The following GABRB1 variants were observed in gnomAD, a reference collection of about 807,000 sequenced individuals.
GABRB1 encodes the protein gamma-aminobutyric acid type A receptor subunit beta1.
GABRB1 carries 17 observed loss-of-function variants against 51.6 expected under a neutral mutation model. The observed-to-expected ratio is 0.33, with a 90% CI of 0.23 to 0.49. The LOEUF (loss-of-function observed/expected upper bound fraction) is 0.49, where lower values mean the gene tolerates loss of function less well. GABRB1 is among the 20% of genes least tolerant of loss of function. The pLI is 0.99. For missense variants in GABRB1, 410 were observed against 600.6 expected (o/e 0.68, Z 3.32); for synonymous variants, 247 against 218.9 (o/e 1.13, Z -1.14).
chr4:47,354,722 A>G (rs181574070), intron 5 of GABRB1, among the ~76,000 whole-genome samples: 74 of 152,136 alleles, frequency 4.9e-4, no homozygotes, highest in African/African-American at 1.8e-3. Context: ...AAGGTTTTGT[A>G]TATCTGGCAA....
At chr4:47,180,222 T>C (rs931660332) in intron 4 of GABRB1, among the ~76,000 whole-genome samples, 11 of 152,030 alleles carry the variant, frequency 7.2e-5, no homozygotes, top group African/African-American at 2.2e-4. Flanking sequence ...ATTCACATAG[T>C]GGAAGAGAAT....
chr4:47,214,121 A>G (rs901017332), intron 4 of GABRB1, among the ~76,000 whole-genome samples: 1 of 152,178 alleles, frequency 6.6e-6, no homozygotes, highest in African/African-American at 2.4e-5. Context: ...TTAGTCATAA[A>G]GAATAATAGA....
intron 1 of GABRB1, among the ~76,000 whole-genome samples, chr4:47,006,108 G>A (rs1724390348): frequency 6.6e-6 from 1 of 151,532 alleles, no homozygotes; most frequent in South Asian, 2.1e-4. Flanking sequence ...TTTGACAATG[G>A]AATCCCTTCC....
chr4:47,039,935 T>C (rs1170166908), intron 3 of GABRB1, among the ~76,000 whole-genome samples: 1 of 152,180 alleles, frequency 6.6e-6, no homozygotes, highest in African/African-American at 2.4e-5. Context: ...AAACATATAT[T>C]TGTTTGTATA....
intron 3 of GABRB1, among the ~76,000 whole-genome samples, chr4:47,062,231 AT>A (rs1438110835): frequency 1.3e-5 from 2 of 151,662 alleles, no homozygotes; most frequent in African/African-American, 2.4e-5. Flanking sequence ...TCTCAAAAGG[AT>A]TTTTTTAGTC....
intron 4 of GABRB1, among the ~76,000 whole-genome samples, chr4:47,294,950 G>A (rs564653168): frequency 3.9e-5 from 6 of 152,276 alleles, no homozygotes; most frequent in East Asian, 3.9e-4. Flanking sequence ...CGTGGTTCAC[G>A]AAAATCCGCT....
chr4:47,245,426 T>C (rs1378584743), intron 4 of GABRB1, among the ~76,000 whole-genome samples: 1 of 152,098 alleles, frequency 6.6e-6, no homozygotes, highest in Non-Finnish European at 1.5e-5. Context: ...TCACGTAAAA[T>C]AGTCACACAA....
intron 3 of GABRB1, among the ~76,000 whole-genome samples, chr4:47,034,576 A>G (rs973652868): frequency 2.0e-5 from 3 of 152,208 alleles, no homozygotes; most frequent in Admixed American, 2.0e-4. Flanking sequence ...TAGAAAATAG[A>G]AACCACTCAA....
chr4:47,179,376 TTCC>T (rs897499476), intron 4 of GABRB1, among the ~76,000 whole-genome samples: 2 of 152,108 alleles, frequency 1.3e-5, no homozygotes, highest in African/African-American at 2.4e-5. Flanking sequence ...AGTGTGGCGA[TTCC>T]TCAAGGATCT....
intron 3 of GABRB1, among the ~76,000 whole-genome samples, chr4:47,129,103 G>A (rs1004666735): frequency 6.6e-6 from 1 of 152,068 alleles, no homozygotes; most frequent in Admixed American, 6.6e-5. Context: ...GCATTTAAGA[G>A]ATTAAGATTG....
intron 3 of GABRB1, among the ~76,000 whole-genome samples, chr4:47,072,940 T>C (rs1285952190): frequency 6.6e-6 from 1 of 152,206 alleles, no homozygotes; most frequent in Non-Finnish European, 1.5e-5. Context: ...TAGTATTTAC[T>C]TAATATTTCT....
chr4:47,309,306 T>G (rs1724581112), intron 4 of GABRB1, among the ~76,000 whole-genome samples: 1 of 152,038 alleles, frequency 6.6e-6, no homozygotes, highest in Non-Finnish European at 1.5e-5. Context: ...ATTTATGGAC[T>G]GCTTTTCATA....
rs185807691 is a variant in GABRB1, at chr4:47,422,667, C to T, written c.1081-3007C>T. Among the ~76,000 whole-genome samples, 326 of 152,218 alleles carry T rather than the reference C, an allele frequency of 2.1e-3. 5 individuals are homozygous for T. The highest frequency in any genetic ancestry group is 3.9e-4 in the East Asian group (2 of 5,186). On this transcript the variant is annotated intron_variant, in intron 8 of 8. Transcript: ENST00000295454. ...TTTCACTGACTCCATAGCTGCCTCC[C>T]ACTCCTAAAATAATCTCAGCCCCAA...
At chr4:47,259,038 TA>T (rs1214017974) in intron 4 of GABRB1, among the ~76,000 whole-genome samples, 1 of 152,160 alleles carries the variant, frequency 6.6e-6, no homozygotes, top group Admixed American at 6.6e-5. Flanking sequence ...TTGTCTTAAG[TA>T]AACTGCAGCC....
At chr4:47,219,147 T>A (rs1172158171) in intron 4 of GABRB1, among the ~76,000 whole-genome samples, 1 of 151,802 alleles carries the variant, frequency 6.6e-6, no homozygotes, top group Non-Finnish European at 1.5e-5. Flanking sequence ...TCAAGTGAAA[T>A]CAAATATGGA....
intron 5 of GABRB1, among the ~76,000 whole-genome samples, chr4:47,388,723 T>A (rs988396623): frequency 6.6e-6 from 1 of 152,122 alleles, no homozygotes; most frequent in South Asian, 2.1e-4. Flanking sequence ...GGCTGCATAC[T>A]TCATGGGACA....
chr4:47,067,004 G>A (rs1043313657), intron 3 of GABRB1, among the ~76,000 whole-genome samples: 2 of 152,144 alleles, frequency 1.3e-5, no homozygotes, highest in African/African-American at 2.4e-5. Context: ...TCGAATGAAC[G>A]AATGAATGCA....
intron 3 of GABRB1, among the ~76,000 whole-genome samples, chr4:47,049,273 A>T (rs1173964787): frequency 6.6e-6 from 1 of 152,164 alleles, no homozygotes; most frequent in African/African-American, 2.4e-5. Context: ...TTTTTAATTC[A>T]CAAGATTCCT....
At chr4:47,243,686 T>C (rs1388328788) in intron 4 of GABRB1, among the ~76,000 whole-genome samples, 1 of 152,180 alleles carries the variant, frequency 6.6e-6, no homozygotes, top group African/African-American at 2.4e-5. Context: ...TGGCTCTCTA[T>C]CTGTTATTGG....
Sources: gnomAD v4.1 joint callset for allele counts (sites outside exome capture counted in the v4.1 genomes callset) on GRCh38, gnomAD v4.1.1 for gene constraint, MANE v1.5 for transcripts, NCBI Gene and HGNC (gene_info 2026-07-23, HGNC 2026-07-21) for gene names.